Variants in TMEM87B observed in about 807,000 individuals in gnomAD.
TMEM87B encodes the protein transmembrane protein 87B.
TMEM87B carries 83 observed loss-of-function variants against 80.3 expected under a neutral mutation model. That is an observed-to-expected ratio of 1.03 (90% confidence interval 0.87 to 1.24). The LOEUF (loss-of-function observed/expected upper bound fraction) is 1.24, where lower values mean the gene tolerates loss of function less well. TMEM87B is among the 50% of genes most tolerant of loss of function. The pLI is 0.00. For synonymous variants in TMEM87B, 219 were observed against 230.5 expected, an observed-to-expected ratio of 0.95 and a Z score of 0.45; for missense variants, 625 against 674.4, an observed-to-expected ratio of 0.93 and a Z score of 0.81.
chr2:112,056,719 C>T (rs1357811720), intron 1 of TMEM87B, among the ~76,000 whole-genome samples: 1 of 152,208 alleles, frequency 6.6e-6, no homozygotes, highest in Non-Finnish European at 1.5e-5. Context: ...ATACTTCCCA[C>T]AACACAAAAG....
chr2:112,066,722 C>A (rs1678447880), intron 3 of TMEM87B, among the ~76,000 whole-genome samples: 1 of 152,158 alleles, frequency 6.6e-6, no homozygotes, highest in Non-Finnish European at 1.5e-5. Flanking sequence ...ATTACTGTAT[C>A]TGAACACACT....
At chr2:112,062,739 G>A (rs1475821677) in intron 2 of TMEM87B, among the ~76,000 whole-genome samples, 2 of 152,164 alleles carry the variant, frequency 1.3e-5, no homozygotes, top group African/African-American at 2.4e-5. Context: ...AGTTCTTTTA[G>A]GATGGTTCTG....
chr2:112,084,221 C>T (rs375207226), intron 8 of TMEM87B, among the ~76,000 whole-genome samples: 20 of 152,120 alleles, frequency 1.3e-4, no homozygotes, highest in South Asian at 8.3e-4. Context: ...ATAGACAGCC[C>T]ATGGAGGGAT....
intron 6 of TMEM87B, among the ~76,000 whole-genome samples, chr2:112,078,995 CAATT>C (rs1400567471): frequency 6.6e-6 from 1 of 152,028 alleles, no homozygotes; most frequent in African/African-American, 2.4e-5. Flanking sequence ...TGTAAATTGA[CAATT>C]ACATATGACA....
intron 15 of TMEM87B, among the ~76,000 whole-genome samples, chr2:112,104,092 G>C (rs1410847612): frequency 6.6e-6 from 1 of 152,154 alleles, no homozygotes; most frequent in Non-Finnish European, 1.5e-5. Flanking sequence ...ATCAATTCAA[G>C]ATGGATCACA....
intron 4 of TMEM87B, among the ~76,000 whole-genome samples, chr2:112,070,603 T>C (rs1346471454): frequency 6.6e-6 from 1 of 152,198 alleles, no homozygotes; most frequent in Non-Finnish European, 1.5e-5. Context: ...TGAAGTCAGG[T>C]AGCATGATGC....
At chr2:112,104,166 G>A (rs960233267) in intron 15 of TMEM87B, among the ~76,000 whole-genome samples, 1 of 152,130 alleles carries the variant, frequency 6.6e-6, no homozygotes, top group Non-Finnish European at 1.5e-5. Flanking sequence ...TTTTAATGAC[G>A]TTGGATGGGG....
chr2:112,068,144 G>A (rs1479752412), intron 4 of TMEM87B, among the ~76,000 whole-genome samples: 1 of 152,190 alleles, frequency 6.6e-6, no homozygotes, highest in Non-Finnish European at 1.5e-5. Context: ...AACCCGGGAG[G>A]CAGAGGTTGC....
intron 1 of TMEM87B, among the ~76,000 whole-genome samples, chr2:112,056,692 A>G (rs1349488763): frequency 6.6e-6 from 1 of 152,262 alleles, no homozygotes; most frequent in African/African-American, 2.4e-5. Flanking sequence ...AAAAGAAAGT[A>G]GTTCCAAAGA....
At chr2:112,091,887 T>G (rs1042728288) in intron 11 of TMEM87B, 104 bp downstream of exon 11, 1 of 864,512 alleles carries the variant, frequency 1.2e-6, no homozygotes, top group Non-Finnish European at 1.8e-6. Flanking sequence ...GCATTTTTGT[T>G]ACCTTAATAC....
chr2:112,067,012 C>CAAAAA lies in TMEM87B; in HGVS notation c.397_401dup (p.Asn134LysfsTer6). On this transcript the variant is annotated frameshift_variant, in exon 4 of 19. Coordinates refer to ENST00000283206, the MANE Select transcript of TMEM87B (RefSeq NM_032824.3). LOFTEE classifies it high-confidence loss of function. Reference sequence around the variant, plus strand: ...TTGAAGAATGACAACTGTTGGACAACAAAAAATGAAAACTTAGATTGCAAC... The same window carrying CAAAAA: ...TTGAAGAATGACAACTGTTGGACAACAAAAAAAAAAATGAAAACTTAGATTGCAAC... 1 of 1,611,488 alleles carries CAAAAA rather than the reference C, an allele frequency of 6.2e-7. No homozygotes were observed. Among genetic ancestry groups the CAAAAA allele is most frequent in the South Asian group, 1.1e-5 (1 of 90,228 alleles).
intron 9 of TMEM87B, 80 bp from the exon 10 acceptor site, chr2:112,089,545 T>G: frequency 8.1e-7 from 1 of 1,240,412 alleles, no homozygotes; most frequent in Admixed American, 1.7e-5. Flanking sequence ...GTATTGGAAA[T>G]GGTGCCAGTT....
intron 11 of TMEM87B, chr2:112,095,263 C>G (rs1175379954): frequency 2.1e-6 from 2 of 964,970 alleles, no homozygotes; most frequent in Non-Finnish European, 2.4e-6. Flanking sequence ...TGGCCAGCCT[C>G]CCCCTCTCTC....
chr2:112,072,182 C>G (rs959852757), intron 4 of TMEM87B, among the ~76,000 whole-genome samples: 4 of 152,164 alleles, frequency 2.6e-5, no homozygotes, highest in African/African-American at 9.7e-5. Context: ...ATTTGGTTTG[C>G]TAGTATTTTG....
intron 2 of TMEM87B, 71 bp from the exon 3 acceptor site, chr2:112,064,091 C>A: frequency 7.5e-7 from 1 of 1,339,518 alleles, no homozygotes; most frequent in Non-Finnish European, 1.0e-6. Flanking sequence ...TAATTGCATT[C>A]TCAAAACCTT....
At chr2:112,098,129 A>G (rs1679527236) in intron 13 of TMEM87B, among the ~76,000 whole-genome samples, 1 of 152,008 alleles carries the variant, frequency 6.6e-6, no homozygotes, top group African/African-American at 2.4e-5. Context: ...ATGGGTTCTC[A>G]TGTTGGAAGA....
intron 4 of TMEM87B, among the ~76,000 whole-genome samples, chr2:112,067,614 A>G (rs1678475791): frequency 6.6e-6 from 1 of 152,116 alleles, no homozygotes; most frequent in Non-Finnish European, 1.5e-5. Flanking sequence ...AAAAGATAAG[A>G]TACTGATACC....
intron 5 of TMEM87B, among the ~76,000 whole-genome samples, chr2:112,076,315 A>T (rs978625037): frequency 6.6e-6 from 1 of 152,208 alleles, no homozygotes; most frequent in Non-Finnish European, 1.5e-5. Context: ...TAAAATTAGG[A>T]TAAAATATGA....
At chr2:112,103,841 G>T (rs938732782) in intron 15 of TMEM87B, among the ~76,000 whole-genome samples, 2 of 152,148 alleles carry the variant, frequency 1.3e-5, no homozygotes, top group Admixed American at 1.3e-4. Context: ...CTGATTTCAA[G>T]ACATAATTAT....
Sources: gnomAD v4.1 joint callset for allele counts (sites outside exome capture counted in the v4.1 genomes callset) on GRCh38, gnomAD v4.1.1 for gene constraint, MANE v1.5 for transcripts, NCBI Gene and HGNC (gene_info 2026-07-23, HGNC 2026-07-21) for gene names.